PLEK: variants seen among roughly 807,000 people sequenced by gnomAD.
PLEK encodes the protein platelet 47 kDa protein.
In PLEK, 25 loss-of-function variants were observed where a neutral mutation model predicts 43.9. That is an observed-to-expected ratio of 0.57 (90% CI 0.41 to 0.79). The LOEUF (loss-of-function observed/expected upper bound fraction) is 0.79, where lower values mean the gene tolerates loss of function less well. Among genes scored for constraint, PLEK ranks in the 30% least tolerant of loss-of-function variants. The probability of loss-of-function intolerance (pLI) is 0.00; values close to 1 mark genes in which losing one functional copy is unlikely to be tolerated. For missense variants in PLEK, 396 were observed against 413.3 expected (o/e 0.96, Z 0.36); for synonymous variants, 152 against 144.4 (o/e 1.05, Z -0.38).
chr2:68,372,437 A>G (rs1310892673), intron 1 of PLEK, among the ~76,000 whole-genome samples: 1 of 152,168 alleles, frequency 6.6e-6, no homozygotes, highest in Non-Finnish European at 1.5e-5. Context: ...CAGCCTCTTA[A>G]AGTGCTGGGA....
At position 68,373,469 on chromosome 2, in the gene PLEK, G is replaced by A. The variant is rs144877795; in HGVS notation, c.43-6859G>A. Among the ~76,000 whole-genome samples the A allele has an allele frequency of 1.7e-3, 257 of 151,634 alleles. 2 individuals carry two copies. Among genetic ancestry groups the A allele is most frequent in the Non-Finnish European group, 9.3e-4 (63 of 67,914 alleles). ...GTTGTTGTGCTGCACCCATTAACTC[G>A]TCATTTAACATTAGGTATATCTCCT... On this transcript the variant is annotated intron_variant, in intron 1 of 8. Transcript: ENST00000234313.
At chr2:68,394,284 G>A in intron 8 of PLEK, 108 bp downstream of exon 8, 1 of 778,044 alleles carries the variant, frequency 1.3e-6, no homozygotes, top group Non-Finnish European at 2.3e-6. Flanking sequence ...AGGATAAGCA[G>A]GAATGGGGCA....
chr2:68,380,955 A>G, intron 3 of PLEK, 51 bp downstream of exon 3: 1 of 1,498,498 alleles, frequency 6.7e-7, no homozygotes, highest in South Asian at 1.2e-5. Context: ...AAAGACACAA[A>G]CATAGCAGAT....
At chr2:68,391,648 A>C (rs1673860829) in intron 6 of PLEK, among the ~76,000 whole-genome samples, 1 of 152,340 alleles carries the variant, frequency 6.6e-6, no homozygotes, top group Admixed American at 6.5e-5. Flanking sequence ...TCCTTGAAGC[A>C]CCTCTGGATT....
Position 68,386,495 on chromosome 2 carries a change from C to T in PLEK, c.473-7C>T, listed in dbSNP as rs758537691. Reference sequence around the variant, plus strand: ...GAGTTAACCTTCCCTGTGCTGGTCCCATCTAGGTAACTGCGTCATTGATTG... The same window carrying T: ...GAGTTAACCTTCCCTGTGCTGGTCCTATCTAGGTAACTGCGTCATTGATTG... On this transcript the variant is annotated splice_polypyrimidine_tract_variant and splice_region_variant and intron_variant, in intron 4 of 8. Coordinates refer to ENST00000234313, the MANE Select transcript of PLEK (RefSeq NM_002664.3). 1.1e-5 allele frequency: 17 copies of T among 1,611,902 alleles called. No individual in the cohort carries two copies. Among genetic ancestry groups the T allele is most frequent in the African/African-American group, 5.3e-5 (4 of 74,854 alleles).
At chr2:68,387,075 G>A (rs532158700) in intron 5 of PLEK, among the ~76,000 whole-genome samples, 9 of 151,966 alleles carry the variant, frequency 5.9e-5, no homozygotes, top group East Asian at 3.9e-4. Context: ...GTGTCATCTC[G>A]GCTCACTGCA....
chr2:68,393,109 G>C, intron 6 of PLEK, 53 bp from the exon 7 acceptor site: 1 of 1,028,462 alleles, frequency 9.7e-7, no homozygotes, highest in African/African-American at 1.6e-5. Flanking sequence ...TGTTTGTACA[G>C]AGTGATGCTG....
chr2:68,381,128 G>A (rs1422459107), intron 3 of PLEK, among the ~76,000 whole-genome samples: 1 of 102,280 alleles, frequency 9.8e-6, no homozygotes, highest in Non-Finnish European at 1.9e-5. Flanking sequence ...CCTCATACTG[G>A]GTACCAGAGA....
chr2:68,392,226 C>CCTT (rs3836052), intron 6 of PLEK, among the ~76,000 whole-genome samples: 24,963 of 147,246 alleles, frequency 0.17, 2,665 homozygotes, highest in African/African-American at 0.34. Context: ...TCTTCTTCTT[C>CCTT]CTTCATCATG....
intron 4 of PLEK, among the ~76,000 whole-genome samples, chr2:68,385,607 C>T (rs1429124972): frequency 6.6e-6 from 1 of 152,188 alleles, no homozygotes; most frequent in Non-Finnish European, 1.5e-5. Flanking sequence ...CAACTCCTCC[C>T]CTGCCCCATG....
Position 68,395,890 on chromosome 2 carries a change from T to C in PLEK, c.*74T>C, listed in dbSNP as rs1444701792. On this transcript the variant is annotated 3_prime_UTR_variant, in exon 9 of 9. Coordinates refer to ENST00000234313, the MANE Select transcript of PLEK (RefSeq NM_002664.3). ...GCTCAGTCCAGGACCTGTCCACTTC[T>C]GTGACAAATCAACGGGAAACAGCCC... 2.0e-5 allele frequency: 27 copies of C among 1,362,712 alleles called. No homozygotes were observed. The highest frequency in any genetic ancestry group is 2.5e-5 in the Non-Finnish European group (24 of 963,278). 84.4% of individuals were successfully genotyped at this position (1,362,712 alleles called of 1,614,324 possible). A position where few individuals can be genotyped will look rare whatever the true frequency, so the allele number is the denominator to read the frequency against.
Position 68,376,532 on chromosome 2 carries a change from G to A in PLEK, c.43-3796G>A, listed in dbSNP as rs115389518. 4.8e-3 allele frequency among the ~76,000 whole-genome samples: 723 copies of A among 152,000 alleles called. 6 individuals carry two copies. Among genetic ancestry groups the A allele is most frequent in the Admixed American group, 0.011 (163 of 15,248 alleles). ...TTTAGGAAATATTGTCACACTTATT[G>A]TGTCTATTCTTATGTTAATCATTTC... is the stretch of plus-strand genomic sequence containing the variant. On this transcript the variant is annotated intron_variant, in intron 1 of 8. Coordinates refer to ENST00000234313, the MANE Select transcript of PLEK (RefSeq NM_002664.3).
chr2:68,394,387 C>T (rs1369064140), intron 8 of PLEK, among the ~76,000 whole-genome samples: 2 of 152,176 alleles, frequency 1.3e-5, no homozygotes, highest in African/African-American at 4.8e-5. Flanking sequence ...GCCTGGCTAA[C>T]GTGGTGAAAC....
intron 1 of PLEK, among the ~76,000 whole-genome samples, chr2:68,375,190 T>C (rs1253237471): frequency 6.6e-6 from 1 of 152,210 alleles, no homozygotes; most frequent in African/African-American, 2.4e-5. Flanking sequence ...TACCTCCTTG[T>C]CAAGTCTTAT....
At chr2:68,371,720 G>A (rs976190461) in intron 1 of PLEK, among the ~76,000 whole-genome samples, 2 of 152,144 alleles carry the variant, frequency 1.3e-5, no homozygotes, top group Non-Finnish European at 1.5e-5. Flanking sequence ...TGCAGGCTAT[G>A]CTTCGTTTAA....
intron 6 of PLEK, among the ~76,000 whole-genome samples, chr2:68,391,705 T>A (rs967108236): frequency 2.0e-5 from 3 of 152,264 alleles, no homozygotes; most frequent in African/African-American, 7.2e-5. Context: ...TTTATTGCTT[T>A]CAGCACAAGT....
intron 8 of PLEK, among the ~76,000 whole-genome samples, chr2:68,395,088 C>T (rs6709464): frequency 0.24 from 36,950 of 151,852 alleles, 5,090 homozygotes; most frequent in Middle Eastern, 0.36. Flanking sequence ...TTTTAGTCTT[C>T]AGCAGAACTC....
chr2:68,375,031 T>A (rs1221758133), intron 1 of PLEK, among the ~76,000 whole-genome samples: 1 of 152,206 alleles, frequency 6.6e-6, no homozygotes, highest in Non-Finnish European at 1.5e-5. Context: ...TATGCATTCA[T>A]TTCTCTCAGA....
In PLEK at chr2:68,380,885, C is replaced by A; in HGVS notation, c.361C>A (p.Pro121Thr). The change falls in exon 3 of 9, where the codon CCA becomes ACA. Residue 121 changes from proline (P) to threonine (T), a missense_variant. By Grantham distance (38) the Pro-to-Thr change is conservative (BLOSUM62 -1). Coordinates refer to ENST00000234313, the MANE Select transcript of PLEK (RefSeq NM_002664.3). ...ATCTACCAGGAGGTCCATTCGACTG[C>A]CAGAAACCATTGACTTAGGGTGATT... ...RKSTRRSIRL[P>T]ETIDLGALYL... The A allele has an allele frequency of 6.2e-7, 1 of 1,613,522 alleles. No homozygotes were observed. The highest frequency in any genetic ancestry group is 8.5e-7 in the Non-Finnish European group (1 of 1,179,620).
Sources: gnomAD v4.1 joint callset for allele counts (sites outside exome capture counted in the v4.1 genomes callset) on GRCh38, gnomAD v4.1.1 for gene constraint, MANE v1.5 for transcripts, NCBI Gene and HGNC (gene_info 2026-07-23, HGNC 2026-07-21) for gene names.